The following SPAG16 variants were observed in gnomAD, a reference collection of about 807,000 sequenced individuals.
The protein encoded by SPAG16 is sperm-associated antigen 16 protein.
Under a neutral mutation model 80.4 loss-of-function variants are expected in SPAG16, and 86 were observed. That is an observed-to-expected ratio of 1.07 (90% confidence interval 0.90 to 1.28). SPAG16 has a LOEUF of 1.28. Among genes scored for constraint, SPAG16 ranks in the 50% most tolerant of loss-of-function variants. The probability of loss-of-function intolerance (pLI) is 0.00; values close to 1 mark genes in which losing one functional copy is unlikely to be tolerated. For synonymous variants in SPAG16, 294 were observed against 265.9 expected, an observed-to-expected ratio of 1.11 and a Z score of -1.03; for missense variants, 870 against 765.3, an observed-to-expected ratio of 1.14 and a Z score of -1.61.
At chr2:213,710,741 A>G (rs1039401160) in intron 10 of SPAG16, among the ~76,000 whole-genome samples, 17 of 152,218 alleles carry the variant, frequency 1.1e-4, no homozygotes, top group African/African-American at 4.1e-4. Flanking sequence ...AAAGAAATCC[A>G]TACCATTGTT....
At chr2:213,986,601 A>T (rs935282278) in intron 12 of SPAG16, among the ~76,000 whole-genome samples, 2 of 152,026 alleles carry the variant, frequency 1.3e-5, no homozygotes, top group African/African-American at 2.4e-5. Flanking sequence ...TTACAAAGAA[A>T]CAATTAAAAT....
chr2:214,159,668 T>G (rs16851554), intron 15 of SPAG16, among the ~76,000 whole-genome samples: 18,489 of 151,922 alleles, frequency 0.12, 1,548 homozygotes, highest in East Asian at 0.29. Flanking sequence ...GAAGTATATT[T>G]TCTCACTTGT....
chr2:214,125,309 T>C (rs2054419414), intron 14 of SPAG16, among the ~76,000 whole-genome samples: 1 of 151,690 alleles, frequency 6.6e-6, no homozygotes, highest in Non-Finnish European at 1.5e-5. Flanking sequence ...GAATAGCTGG[T>C]TTTCAATTTT....
intron 9 of SPAG16, among the ~76,000 whole-genome samples, chr2:213,417,652 A>G (rs2069335998): frequency 6.6e-6 from 1 of 152,210 alleles, no homozygotes; most frequent in Admixed American, 6.5e-5. Flanking sequence ...ATGGCAAAAC[A>G]TTCAGAAAGT....
chr2:213,990,171 T>C (rs1162536551), intron 12 of SPAG16, among the ~76,000 whole-genome samples: 2 of 152,106 alleles, frequency 1.3e-5, no homozygotes, highest in South Asian at 2.1e-4. Context: ...TGGTTACAAA[T>C]GGCAGATTAT....
chr2:214,296,206 C>T (rs1694120707), intron 15 of SPAG16, among the ~76,000 whole-genome samples: 1 of 152,164 alleles, frequency 6.6e-6, no homozygotes, highest in Admixed American at 6.5e-5. Context: ...CCCAACTTTA[C>T]TCATGTAGCT....
intron 13 of SPAG16, among the ~76,000 whole-genome samples, chr2:214,019,163 G>T (rs947653546): frequency 2.6e-5 from 4 of 152,084 alleles, no homozygotes; most frequent in African/African-American, 7.2e-5. Flanking sequence ...AAATTATAAG[G>T]CCTACCTAAA....
At chr2:214,170,359 C>T (rs2056831781) in intron 15 of SPAG16, among the ~76,000 whole-genome samples, 1 of 151,676 alleles carries the variant, frequency 6.6e-6, no homozygotes, top group Non-Finnish European at 1.5e-5. Flanking sequence ...GCAATTCTAC[C>T]TAGTGTCTCA....
intron 15 of SPAG16, among the ~76,000 whole-genome samples, chr2:214,210,950 G>C (rs999141805): frequency 4.6e-5 from 7 of 151,966 alleles, no homozygotes; most frequent in African/African-American, 1.7e-4. Flanking sequence ...TAGAATATCT[G>C]ACAACAAAAG....
chr2:213,320,033 T>C (rs2063551383), intron 5 of SPAG16, among the ~76,000 whole-genome samples: 1 of 151,968 alleles, frequency 6.6e-6, no homozygotes, highest in African/African-American at 2.4e-5. Context: ...CATGGAAGAT[T>C]TGAAAGGAAG....
At chr2:213,288,751 A>G (rs2062152966) in intron 1 of SPAG16, among the ~76,000 whole-genome samples, 1 of 152,080 alleles carries the variant, frequency 6.6e-6, no homozygotes, top group African/African-American at 2.4e-5. Flanking sequence ...TCTCTTAGAT[A>G]CATGTGTTAA....
At chr2:213,821,262 A>T (rs1436734843) in intron 10 of SPAG16, among the ~76,000 whole-genome samples, 2 of 152,142 alleles carry the variant, frequency 1.3e-5, no homozygotes, top group African/African-American at 4.8e-5. Context: ...GTAAATTGAC[A>T]AGCTTATAGC....
intron 5 of SPAG16, among the ~76,000 whole-genome samples, chr2:213,326,915 T>C (rs1190945345): frequency 1.3e-5 from 2 of 152,010 alleles, no homozygotes; most frequent in Non-Finnish European, 2.9e-5. Flanking sequence ...TCATATCATA[T>C]TGAAAATGGA....
chr2:213,625,040 A>C (rs911608278), intron 10 of SPAG16, among the ~76,000 whole-genome samples: 1 of 152,000 alleles, frequency 6.6e-6, no homozygotes, highest in Non-Finnish European at 1.5e-5. Context: ...TCATCTGCTT[A>C]CCTCGGCCTC....
In SPAG16 at chr2:214,340,382, A is replaced by AG. The variant is rs1227732450; in HGVS notation, c.1721-69755dup. Among the ~76,000 whole-genome samples the AG allele has an allele frequency of 3.3e-5, 5 of 152,216 alleles. No homozygotes were observed. In the East Asian group the frequency reaches 9.6e-4, roughly 29 times the overall value. The stretch of plus-strand genomic sequence containing the variant: ...TTAAAAGTTAACACAGAATTCCTGG[A>AG]GGGTTGCCAATTTCTTTTTAGAATA... On this transcript the variant is annotated intron_variant, in intron 15 of 15. Transcript: ENST00000331683.
intron 4 of SPAG16, among the ~76,000 whole-genome samples, chr2:213,315,581 G>A (rs949900204): frequency 6.6e-6 from 1 of 151,878 alleles, no homozygotes; most frequent in African/African-American, 2.4e-5. Context: ...TTGATTCCCT[G>A]TGCTTTGCTT....
At chr2:213,992,179 T>C (rs2046317038) in intron 12 of SPAG16, among the ~76,000 whole-genome samples, 1 of 152,186 alleles carries the variant, frequency 6.6e-6, no homozygotes, top group African/African-American at 2.4e-5. Context: ...CATACTGTTT[T>C]CCAGGAATGC....
chr2:213,345,795 A>T (rs2125004813), intron 6 of SPAG16, among the ~76,000 whole-genome samples: 1 of 152,096 alleles, frequency 6.6e-6, no homozygotes, highest in South Asian at 2.1e-4. Flanking sequence ...CTTGTAGTGT[A>T]GTTTGAAGTC....
At chr2:213,726,191 A>C (rs1000959943) in intron 10 of SPAG16, among the ~76,000 whole-genome samples, 1 of 152,132 alleles carries the variant, frequency 6.6e-6, no homozygotes, top group Non-Finnish European at 1.5e-5. Context: ...TCCAGGAGCA[A>C]CCCTCAGTCG....
Sources: allele counts gnomAD v4.1 joint callset (sites outside exome capture counted in the v4.1 genomes callset), GRCh38; gene constraint gnomAD v4.1.1; transcripts MANE v1.5; gene names NCBI Gene and HGNC (gene_info 2026-07-23, HGNC 2026-07-21).